SPAG16: variants seen among roughly 807,000 people sequenced by gnomAD.
SPAG16 encodes the protein sperm associated antigen 16, also known as sperm-associated antigen 16 protein.
In SPAG16, 86 loss-of-function variants were observed where a neutral mutation model predicts 80.4. That is an observed-to-expected ratio of 1.07 (90% CI 0.90 to 1.28). The LOEUF (loss-of-function observed/expected upper bound fraction) is 1.28, where lower values mean the gene tolerates loss of function less well. Among genes scored for constraint, SPAG16 ranks in the 50% most tolerant of loss-of-function variants. The pLI is 0.00. For synonymous variants in SPAG16, 294 were observed against 265.9 expected (o/e 1.11, Z -1.03); for missense variants, 870 against 765.3 (o/e 1.14, Z -1.61).
chr2:213,284,633 G>A lies in SPAG16; in HGVS notation c.136+14G>A. ...ACTACCTGGAACGTATCCTTCCCGT[G>A]GAGGCGCGGCCCGCTGCGCTGGCGG... On this transcript the variant is annotated intron_variant, in intron 1 of 15. Transcript: ENST00000331683. The A allele has an allele frequency of 6.2e-7, 1 of 1,602,836 alleles. No homozygotes were observed. The highest frequency in any genetic ancestry group is 8.5e-7 in the Non-Finnish European group (1 of 1,175,242).
chr2:214,088,349 TCATCAGATA>T (rs33981125), intron 13 of SPAG16, among the ~76,000 whole-genome samples: 53,956 of 151,292 alleles, frequency 0.36, 10,148 homozygotes, highest in Non-Finnish European at 0.42. Flanking sequence ...TTGAAAGAGC[TCATCAGATA>T]CAGGTGAAAA....
At chr2:214,185,584 A>T (rs2125681976) in intron 15 of SPAG16, among the ~76,000 whole-genome samples, 1 of 152,258 alleles carries the variant, frequency 6.6e-6, no homozygotes, top group East Asian at 1.9e-4. Context: ...AACATTAAAC[A>T]GTTACATAAA....
At chr2:214,233,139 A>G (rs1434250522) in intron 15 of SPAG16, among the ~76,000 whole-genome samples, 1 of 152,048 alleles carries the variant, frequency 6.6e-6, no homozygotes, top group East Asian at 1.9e-4. Context: ...AGGGGGGGCC[A>G]TAAGTGTTAG....
At chr2:213,346,348 C>T (rs1229554154) in intron 6 of SPAG16, among the ~76,000 whole-genome samples, 2 of 152,184 alleles carry the variant, frequency 1.3e-5, no homozygotes, top group Non-Finnish European at 2.9e-5. Flanking sequence ...TTGACTTCCT[C>T]TTTTCCTAAT....
At chr2:213,956,139 A>G (rs2044119500) in intron 12 of SPAG16, among the ~76,000 whole-genome samples, 3 of 151,782 alleles carry the variant, frequency 2.0e-5, no homozygotes. Flanking sequence ...TATTATTAGT[A>G]GAGATGGGGT....
chr2:213,845,380 A>G (rs1575331269), intron 10 of SPAG16, among the ~76,000 whole-genome samples: 1 of 151,700 alleles, frequency 6.6e-6, no homozygotes, highest in Admixed American at 6.6e-5. Context: ...GTATTTTTAG[A>G]GGAGACGAGG....
At chr2:214,261,130 A>G (rs1320913989) in intron 15 of SPAG16, among the ~76,000 whole-genome samples, 77 of 22,898 alleles carry the variant, frequency 3.4e-3, no homozygotes, top group Non-Finnish European at 4.4e-3. Context: ...AAAAAAAAAA[A>G]AAAAAAAAAA....
At chr2:213,567,521 T>A (rs2059817103) in intron 10 of SPAG16, among the ~76,000 whole-genome samples, 1 of 121,976 alleles carries the variant, frequency 8.2e-6, no homozygotes, top group Admixed American at 8.7e-5. Context: ...CTGAGAATGA[T>A]GGTTTCCAAC....
intron 15 of SPAG16, among the ~76,000 whole-genome samples, chr2:214,292,364 C>T (rs1187311221): frequency 2.0e-5 from 3 of 151,938 alleles, no homozygotes; most frequent in African/African-American, 7.3e-5. Flanking sequence ...TTCTCTTCAC[C>T]CTCAGGGACA....
At chr2:214,084,392 GA>G (rs914021057) in intron 13 of SPAG16, among the ~76,000 whole-genome samples, 8 of 149,948 alleles carry the variant, frequency 5.3e-5, no homozygotes, top group Admixed American at 2.7e-4. Context: ...CGTAATCTTT[GA>G]AAAAAAAATC....
intron 15 of SPAG16, among the ~76,000 whole-genome samples, chr2:214,187,711 G>A (rs953559325): frequency 2.6e-5 from 3 of 115,886 alleles, no homozygotes; most frequent in Non-Finnish European, 6.4e-5. Flanking sequence ...AGACAAATCC[G>A]CCTAACCAAA....
At chr2:213,720,898 A>G (rs949927070) in intron 10 of SPAG16, among the ~76,000 whole-genome samples, 1 of 150,864 alleles carries the variant, frequency 6.6e-6, no homozygotes, top group Admixed American at 6.6e-5. Flanking sequence ...GTTGCCTGCC[A>G]CCACGCCCGG....
intron 15 of SPAG16, among the ~76,000 whole-genome samples, chr2:214,282,868 T>C (rs10188781): frequency 0.35 from 53,657 of 151,824 alleles, 9,639 homozygotes; most frequent in East Asian, 0.52. Flanking sequence ...TGACATATTA[T>C]GTATGATAGC....
intron 15 of SPAG16, among the ~76,000 whole-genome samples, chr2:214,233,308 G>C (rs1354744304): frequency 1.3e-5 from 2 of 151,524 alleles, no homozygotes; most frequent in Non-Finnish European, 2.9e-5. Flanking sequence ...GTAGCCTTCT[G>C]TATATGTGCC....
At chr2:214,072,426 A>T (rs1393413049) in intron 13 of SPAG16, among the ~76,000 whole-genome samples, 2 of 151,948 alleles carry the variant, frequency 1.3e-5, no homozygotes, top group South Asian at 2.1e-4. Context: ...ACATCATACC[A>T]CTCCTACACC....
At chr2:213,535,800 A>G (rs913302238) in intron 10 of SPAG16, among the ~76,000 whole-genome samples, 11 of 152,166 alleles carry the variant, frequency 7.2e-5, no homozygotes, top group African/African-American at 2.7e-4. Flanking sequence ...TTCTAACTGT[A>G]ACCTTGACCA....
chr2:213,597,052 C>A (rs1212238025), intron 10 of SPAG16, among the ~76,000 whole-genome samples: 1 of 152,124 alleles, frequency 6.6e-6, no homozygotes, highest in Non-Finnish European at 1.5e-5. Flanking sequence ...GCTTTTTAAA[C>A]AGGCACAATC....
At chr2:214,134,655 A>T (rs2054953352) in intron 14 of SPAG16, among the ~76,000 whole-genome samples, 1 of 152,172 alleles carries the variant, frequency 6.6e-6, no homozygotes, top group Non-Finnish European at 1.5e-5. Context: ...AAACTTGAGT[A>T]CCACAAGAAA....
At chr2:214,359,619 T>C (rs184806839) in intron 15 of SPAG16, among the ~76,000 whole-genome samples, 6 of 151,866 alleles carry the variant, frequency 4.0e-5, no homozygotes, top group Non-Finnish European at 8.8e-5. Flanking sequence ...CAGGGTTCTA[T>C]TTACATCTTT....
Sources: allele counts gnomAD v4.1 joint callset (sites outside exome capture counted in the v4.1 genomes callset), GRCh38; gene constraint gnomAD v4.1.1; transcripts MANE v1.5; gene names NCBI Gene and HGNC (gene_info 2026-07-23, HGNC 2026-07-21).